DENND2B: variants seen among roughly 807,000 people sequenced by gnomAD.
The protein encoded by DENND2B is DENN domain-containing protein 2B.
In DENND2B, 32 loss-of-function variants were observed where a neutral mutation model predicts 116.0. The ratio of observed to expected loss-of-function variants is 0.28; its 90% confidence interval spans 0.21 to 0.37. The LOEUF is 0.37. Ranked by LOEUF, DENND2B falls within the 10% of genes least tolerant of loss-of-function variation. The pLI is 1.00. For synonymous variants in DENND2B, 588 were observed against 583.9 expected (o/e 1.01, Z -0.10); for missense variants, 1,276 against 1,477.7 (o/e 0.86, Z 2.24).
chr11:8,727,969 ACACACACACAC>A (rs1441497165), intron 3 of DENND2B, among the ~76,000 whole-genome samples: 2 of 648 alleles, frequency 3.1e-3, no homozygotes, highest in African/African-American at 8.8e-3. Flanking sequence ...ACACAAACAC[ACACACACACAC>A]ACACACACAC....
rs2041850437 is a variant in DENND2B at position 8,702,305 on chromosome 11, G to T, written c.2720+267C>A. Among the ~76,000 whole-genome samples the T allele has an allele frequency of 6.6e-6, 1 of 152,032 alleles. No homozygotes were observed. Among genetic ancestry groups the T allele is most frequent in the South Asian group, 2.1e-4 (1 of 4,828 alleles). On this transcript the variant is annotated intron_variant, in intron 14 of 19. Transcript: ENST00000313726. The surrounding 1 kb of genome is among the most constrained non-coding windows in gnomAD (Gnocchi z 4.6). Reference sequence around the variant, plus strand: ...ATATCCCGGCACCTGCACAGTCTTGGCTGTTGCAAAGGAAGAAATATCCCT... The same window carrying T: ...ATATCCCGGCACCTGCACAGTCTTGTCTGTTGCAAAGGAAGAAATATCCCT...
intron 4 of DENND2B, 69 bp downstream of exon 4, chr11:8,726,004 G>A: frequency 5.6e-6 from 9 of 1,605,482 alleles, no homozygotes; most frequent in Non-Finnish European, 6.8e-6. Context: ...CAATCTAGGT[G>A]TCTCCTCCTG....
chr11:8,695,403 A>C, intron 19 of DENND2B, 60 bp downstream of exon 19: 1 of 1,504,686 alleles, frequency 6.6e-7, no homozygotes, highest in Admixed American at 1.7e-5. Context: ...CGGGAACACA[A>C]ATCTCCCAGC....
intron 19 of DENND2B, chr11:8,694,415 T>A: frequency 2.1e-6 from 1 of 481,514 alleles, no homozygotes; most frequent in Non-Finnish European, 3.9e-6. Context: ...CTGAGCACCC[T>A]GCAGGGAGGG....
chr11:8,747,033 C>T (rs2051390550), intron 2 of DENND2B, among the ~76,000 whole-genome samples: 1 of 151,946 alleles, frequency 6.6e-6, no homozygotes, highest in South Asian at 2.1e-4. Flanking sequence ...AAACAGAGTC[C>T]AAAGCTAAGA....
At chr11:8,775,079 C>G (rs912629524) in intron 1 of DENND2B, among the ~76,000 whole-genome samples, 1 of 151,864 alleles carries the variant, frequency 6.6e-6, no homozygotes, top group African/African-American at 2.4e-5. Flanking sequence ...CGGGGTTTCA[C>G]CATGTTGGCC....
Position 8,712,691 on chromosome 11 carries a change from C to T in DENND2B, c.2032G>A (p.Ala678Thr), listed in dbSNP as rs758577724. Residue 678 changes from alanine (A) to threonine (T), a missense_variant, in exon 9 of 20, where the codon GCC becomes ACC. Ala to Thr is a moderately conservative substitution (Grantham distance 58, BLOSUM62 0). Transcript: ENST00000313726. This position sits in a 1 kb window ranked among gnomAD's most constrained non-coding sequence, Gnocchi z 4.4. ...AGCTCCAGCGTGCGATAGCTGGGGG[C>T]GCGCTTCAGCATCGACTGGATGTGG... ...LVHIQSMLKR[A>T]PSYRTLELEL... 6.8e-6 allele frequency: 11 copies of T among 1,611,834 alleles called. No homozygotes were observed. The highest frequency in any genetic ancestry group is 1.7e-5 in the Admixed American group (1 of 59,746).
intron 4 of DENND2B, among the ~76,000 whole-genome samples, chr11:8,820,504 C>T (rs2061720347): frequency 6.6e-6 from 1 of 152,146 alleles, no homozygotes; most frequent in Non-Finnish European, 1.5e-5. Context: ...AAACAATCTC[C>T]ATATCAGTCA....
chr11:8,822,781 T>A (rs190272882), intron 4 of DENND2B, among the ~76,000 whole-genome samples: 138 of 152,378 alleles, frequency 9.1e-4, no homozygotes, highest in Middle Eastern at 3.4e-3. Context: ...ACATTTTTAA[T>A]TACATATAAT....
chr11:8,851,723 TA>T (rs986600774), intron 3 of DENND2B, among the ~76,000 whole-genome samples: 18 of 143,144 alleles, frequency 1.3e-4, no homozygotes, highest in African/African-American at 3.5e-4. Context: ...TTTAAATACA[TA>T]GGGGGGGACA....
chr11:8,707,100 T>C lies in DENND2B; in HGVS notation c.2556A>G (p.Pro852=). 1 of 1,613,364 alleles carries C rather than the reference T, an allele frequency of 6.2e-7. No homozygotes were observed. The highest frequency in any genetic ancestry group is 8.5e-7 in the Non-Finnish European group (1 of 1,179,586). Residue 852 remains proline, a synonymous_variant, in exon 13 of 20, where the codon CCA becomes CCG. Transcript: ENST00000313726. The surrounding 1 kb of genome is among the most constrained non-coding windows in gnomAD (Gnocchi z 4.8). The part of the protein sequence containing the change: ...GKTIKVKTFL[P]GAGNEVLELR... ...AAATCCCTACCTCATTGCCAGCACC[T>C]GGCAGGAATGTCTTCACTTTGATGG...
upstream of DENND2B, among the ~76,000 whole-genome samples, chr11:8,812,066 G>T (rs568681776): frequency 3.9e-5 from 6 of 152,318 alleles, no homozygotes; most frequent in South Asian, 1.2e-3. Context: ...TGGAAAAACT[G>T]AGACTCAGAG....
At chr11:8,910,876 C>G (rs1470054049) in exon 1 of DENND2B, 3 of 153,910 alleles carry the variant, frequency 1.9e-5, no homozygotes, top group African/African-American at 4.8e-5. Flanking sequence ...AGAGGCTCCT[C>G]TGACAGCGTG....
chr11:8,908,842 C>T (rs193135684), intron 1 of DENND2B, among the ~76,000 whole-genome samples: 1 of 152,326 alleles, frequency 6.6e-6, no homozygotes, highest in Non-Finnish European at 1.5e-5. Flanking sequence ...GATCCACATT[C>T]TGTTCTCCAC....
chr11:8,758,857 C>A (rs1342658024), intron 1 of DENND2B, among the ~76,000 whole-genome samples: 9 of 152,182 alleles, frequency 5.9e-5, no homozygotes, highest in Admixed American at 5.9e-4. Context: ...AGCCTGCATC[C>A]CAGCAGGAAG....
intron 1 of DENND2B, among the ~76,000 whole-genome samples, chr11:8,887,026 C>G (rs2063968767): frequency 6.6e-6 from 1 of 152,072 alleles, no homozygotes; most frequent in African/African-American, 2.4e-5. Context: ...TGGGGTTTCT[C>G]CATGTTGGTC....
chr11:8,749,584 G>A (rs1329922482), intron 2 of DENND2B, among the ~76,000 whole-genome samples: 1 of 152,192 alleles, frequency 6.6e-6, no homozygotes, highest in Non-Finnish European at 1.5e-5. Context: ...TACATCCCGT[G>A]CACTATTCTA....
intron 1 of DENND2B, among the ~76,000 whole-genome samples, chr11:8,884,648 T>A (rs1435988116): frequency 6.6e-6 from 1 of 152,156 alleles, no homozygotes; most frequent in Non-Finnish European, 1.5e-5. Context: ...AAAACAGAGA[T>A]AAGTCACAGA....
chr11:8,892,857 A>C (rs992809349), intron 1 of DENND2B, among the ~76,000 whole-genome samples: 1 of 152,230 alleles, frequency 6.6e-6, no homozygotes, highest in African/African-American at 2.4e-5. Context: ...AAACTATTCC[A>C]ATCAATAGAA....
Sources: allele counts gnomAD v4.1 joint callset (sites outside exome capture counted in the v4.1 genomes callset), GRCh38; gene constraint gnomAD v4.1.1; non-coding constraint Gnocchi (gnomAD v3.1); transcripts MANE v1.5; gene names NCBI Gene and HGNC (gene_info 2026-07-23, HGNC 2026-07-21).